The following NHS variants were observed in gnomAD, a reference collection of about 807,000 sequenced individuals.
NHS encodes the protein NHS actin remodeling regulator.
A neutral mutation model predicts 72.5 loss-of-function variants in NHS; 5 were observed. The observed-to-expected ratio is 0.07, with a 90% CI of 0.04 to 0.14. NHS has a LOEUF of 0.14. Among genes scored for constraint, NHS ranks in the 10% least tolerant of loss-of-function variants. NHS has a pLI of 1.00. For missense variants in NHS, 1,072 were observed against 1,355.7 expected (o/e 0.79, Z 3.29); for synonymous variants, 464 against 547.7 (o/e 0.85, Z 2.13).
At chrX:17,428,697 T>A (rs1319040225) in intron 1 of NHS, among the ~76,000 whole-genome samples, 1 of 111,864 alleles carries the variant, frequency 8.9e-6, no homozygotes. Context: ...ACCTACATAC[T>A]GCCAGAAAGT....
At chrX:17,564,508 C>T (rs949522587) in intron 1 of NHS, among the ~76,000 whole-genome samples, 1 of 111,972 alleles carries the variant, frequency 8.9e-6, no homozygotes, top group Non-Finnish European at 1.9e-5. Context: ...AATGATGACG[C>T]TTATATGGCT....
chrX:17,553,493 A>G (rs1386672345), intron 1 of NHS, among the ~76,000 whole-genome samples: 1 of 112,666 alleles, frequency 8.9e-6, no homozygotes, highest in East Asian at 2.8e-4. Flanking sequence ...TCCTTCTGCC[A>G]AGAAAATAGA....
intron 1 of NHS, among the ~76,000 whole-genome samples, chrX:17,572,491 C>CTTTTTTTTTTTTTTTTTTTTTTTT (rs760577193): frequency 2.1e-5 from 1 of 46,774 alleles, no homozygotes; most frequent in African/African-American, 1.3e-4. Flanking sequence ...GCAACCCCTG[C>CTTTTTTTTTTTTTTTTTTTTTTTT]TTTTTTTTTT....
Position 17,731,895 on chromosome X carries a change from G to A in NHS, c.4387G>A (p.Asp1463Asn). 10 of 1,206,753 alleles carry A rather than the reference G, an allele frequency of 8.3e-6. No individual in the cohort carries two copies. The highest frequency in any genetic ancestry group is 1.1e-5 in the Non-Finnish European group (10 of 892,391). ...RKVLGRKDSG[D>N]MSVRSKSRAP... ...AGTACTTGGAAGAAAAGATTCCGGG[G>A]ACATGTCTGTTCGAAGCAAATCGAG... The change falls in exon 9 of 9, where the codon GAC becomes AAC. Residue 1463 changes from aspartate to asparagine, a missense_variant. Transcript: ENST00000676302.
intron 1 of NHS, among the ~76,000 whole-genome samples, chrX:17,668,527 T>G (rs1199358227): frequency 9.0e-6 from 1 of 111,069 alleles, no homozygotes; most frequent in Non-Finnish European, 1.9e-5. Flanking sequence ...TGACCTTGGG[T>G]CCTCTGCACT....
At chrX:17,538,283 G>C (rs1283664061) in intron 1 of NHS, among the ~76,000 whole-genome samples, 2 of 111,933 alleles carry the variant, frequency 1.8e-5, no homozygotes, top group African/African-American at 3.3e-5. Context: ...AGTGTCTTAG[G>C]TTGGCTTCCT....
intron 1 of NHS, among the ~76,000 whole-genome samples, chrX:17,563,981 A>G (rs1193683747): frequency 8.9e-6 from 1 of 112,180 alleles, no homozygotes; most frequent in African/African-American, 3.2e-5. Flanking sequence ...TCCTAAAGCT[A>G]ATCTAATCTA....
intron 1 of NHS, among the ~76,000 whole-genome samples, chrX:17,402,472 A>G (rs1217323213): frequency 1.8e-5 from 2 of 112,544 alleles, no homozygotes; most frequent in Non-Finnish European, 3.8e-5. Flanking sequence ...AACATTGTCA[A>G]TAAAAAGGTG....
At chrX:17,624,180 A>C (rs2065787135) in intron 1 of NHS, among the ~76,000 whole-genome samples, 1 of 112,652 alleles carries the variant, frequency 8.9e-6, no homozygotes, top group Non-Finnish European at 1.9e-5. Flanking sequence ...AATGAAATCT[A>C]CTATTATTTA....
At chrX:17,618,902 G>T (rs1488096331) in intron 1 of NHS, among the ~76,000 whole-genome samples, 1 of 111,932 alleles carries the variant, frequency 8.9e-6, no homozygotes, top group Non-Finnish European at 1.9e-5. Context: ...TCTAGTGGTT[G>T]GTTAATTGGT....
At chrX:17,707,562 C>T (rs1474738657) in intron 3 of NHS, among the ~76,000 whole-genome samples, 1 of 111,667 alleles carries the variant, frequency 9.0e-6, no homozygotes, top group East Asian at 2.8e-4. Context: ...CCCAGACCAT[C>T]TTAGTCTTAG....
intron 1 of NHS, among the ~76,000 whole-genome samples, chrX:17,497,872 G>C (rs2065020066): frequency 9.0e-6 from 1 of 111,626 alleles, no homozygotes; most frequent in East Asian, 2.8e-4. Context: ...CCAATTTCTT[G>C]CTCCTGCAAA....
chrX:17,422,401 G>T (rs2064628601), intron 1 of NHS, among the ~76,000 whole-genome samples: 1 of 111,246 alleles, frequency 9.0e-6, no homozygotes, highest in Non-Finnish European at 1.9e-5. Flanking sequence ...GGCAGCTAAT[G>T]ATTCAATCCA....
At chrX:17,538,075 T>C (rs1280535720) in intron 1 of NHS, among the ~76,000 whole-genome samples, 1 of 111,928 alleles carries the variant, frequency 8.9e-6, no homozygotes, top group Non-Finnish European at 1.9e-5. Context: ...AGTGGGACTT[T>C]GGCTCTTTCG....
chrX:17,530,817 C>T (rs1290379702), intron 1 of NHS, among the ~76,000 whole-genome samples: 1 of 111,113 alleles, frequency 9.0e-6, no homozygotes, highest in Non-Finnish European at 1.9e-5. Context: ...CTCACTCTGC[C>T]GCCCAGGTTT....
At chrX:17,706,529 G>A (rs1259804606) in intron 3 of NHS, among the ~76,000 whole-genome samples, 3 of 107,722 alleles carry the variant, frequency 2.8e-5, no homozygotes. Flanking sequence ...ACACACAGTT[G>A]GCGCCATGGA....
chrX:17,538,470 G>A (rs767415359), intron 1 of NHS, among the ~76,000 whole-genome samples: 1 of 111,670 alleles, frequency 9.0e-6, no homozygotes, highest in East Asian at 2.8e-4. Context: ...GGGGACCTCT[G>A]GGAAACTAAG....
intron 1 of NHS, among the ~76,000 whole-genome samples, chrX:17,430,259 T>TTTC (rs2064683551): frequency 5.8e-5 from 3 of 51,569 alleles, no homozygotes; most frequent in Admixed American, 2.6e-4. Flanking sequence ...CCCTCTTTCT[T>TTTC]TTTCTTTCTT....
intron 1 of NHS, among the ~76,000 whole-genome samples, chrX:17,488,676 T>A (rs901910722): frequency 3.6e-5 from 4 of 112,222 alleles, no homozygotes; most frequent in Admixed American, 1.9e-4. Context: ...TATGTGCTTC[T>A]TATTAACCCA....
Sources: gnomAD v4.1 joint callset for allele counts (sites outside exome capture counted in the v4.1 genomes callset) on GRCh38, gnomAD v4.1.1 for gene constraint, MANE v1.5 for transcripts, NCBI Gene and HGNC (gene_info 2026-07-23, HGNC 2026-07-21) for gene names.